The following YWHAE variants were observed in gnomAD, a reference collection of about 807,000 sequenced individuals.
YWHAE encodes 14-3-3 protein epsilon.
In YWHAE, 4 loss-of-function variants were observed where a neutral mutation model predicts 30.1. The ratio of observed to expected loss-of-function variants is 0.13; its 90% CI spans 0.07 to 0.30. The LOEUF is 0.30. Ranked by LOEUF, YWHAE falls within the 10% of genes least tolerant of loss-of-function variation. The pLI is 1.00. For synonymous variants in YWHAE, 118 were observed against 111.8 expected (o/e 1.06, Z -0.35); for missense variants, 121 against 315.9 (o/e 0.38, Z 4.68).
chr17:1,360,322 T>C lies in YWHAE; in HGVS notation c.578+770A>G, dbSNP rs529765269. ...TATAAATATTCCTTACATATTTATC[T>C]ACATTATCAAAAACTGGGAACAAGC... On this transcript the variant is annotated intron_variant, in intron 4 of 5. Coordinates refer to ENST00000264335, the MANE Select transcript of YWHAE (RefSeq NM_006761.5). 1.5e-3 allele frequency among the ~76,000 whole-genome samples: 226 copies of C among 152,310 alleles called. 1 individual carries two copies. The highest frequency in any genetic ancestry group is 5.1e-3 in the African/African-American group (210 of 41,572).
At chr17:1,385,527 G>A (rs1323328471) in intron 1 of YWHAE, among the ~76,000 whole-genome samples, 1 of 152,132 alleles carries the variant, frequency 6.6e-6, no homozygotes, top group Non-Finnish European at 1.5e-5. Context: ...CCAGGGACCA[G>A]TTTCGTGGAA....
chr17:1,377,062 C>T (rs1265554812), intron 1 of YWHAE, among the ~76,000 whole-genome samples: 1 of 151,876 alleles, frequency 6.6e-6, no homozygotes, highest in Non-Finnish European at 1.5e-5. Context: ...TACAGGTGCC[C>T]GCCAACGTGC....
intron 5 of YWHAE, among the ~76,000 whole-genome samples, chr17:1,350,996 T>C (rs916568697): frequency 9.4e-5 from 14 of 149,672 alleles, no homozygotes; most frequent in African/African-American, 3.5e-4. Flanking sequence ...GAGGCAGAGG[T>C]TGCAGTGAGC....
chr17:1,350,502 G>T (rs71357189), intron 5 of YWHAE, among the ~76,000 whole-genome samples: 1 of 151,986 alleles, frequency 6.6e-6, no homozygotes, highest in Admixed American at 6.6e-5. Context: ...GAGTGCAATG[G>T]AGTGATCTTG....
chr17:1,397,597 T>G (rs372014812), intron 1 of YWHAE, among the ~76,000 whole-genome samples: 14 of 152,282 alleles, frequency 9.2e-5, no homozygotes, highest in African/African-American at 3.1e-4. Context: ...AACCCAGCAT[T>G]TGGGTACAAG....
At chr17:1,367,638 C>G (rs751443574) in intron 1 of YWHAE, among the ~76,000 whole-genome samples, 2 of 151,804 alleles carry the variant, frequency 1.3e-5, no homozygotes, top group African/African-American at 2.4e-5. Context: ...GATGACAAAG[C>G]GAGAGACTCT....
chr17:1,351,736 C>G (rs192930235), intron 5 of YWHAE, among the ~76,000 whole-genome samples: 1 of 152,062 alleles, frequency 6.6e-6, no homozygotes, highest in Non-Finnish European at 1.5e-5. Context: ...CAACCTCAGC[C>G]GTCTGAGAAG....
chr17:1,394,093 CTGAGAG>C (rs1280847805), intron 1 of YWHAE, among the ~76,000 whole-genome samples: 1 of 152,124 alleles, frequency 6.6e-6, no homozygotes, highest in Non-Finnish European at 1.5e-5. Flanking sequence ...TTTTGAGTGG[CTGAGAG>C]TAAGTGTACC....
chr17:1,384,896 G>C (rs567022963), intron 1 of YWHAE, among the ~76,000 whole-genome samples: 1 of 151,926 alleles, frequency 6.6e-6, no homozygotes, highest in Non-Finnish European at 1.5e-5. Flanking sequence ...ATTTTTAGTA[G>C]AGACGGGTTT....
intron 4 of YWHAE, among the ~76,000 whole-genome samples, chr17:1,354,822 C>A (rs1425986678): frequency 6.6e-6 from 1 of 151,794 alleles, no homozygotes; most frequent in African/African-American, 2.4e-5. Flanking sequence ...GCCACCACAC[C>A]CGGCTAATTT....
At chr17:1,381,933 A>G (rs8069425) in intron 1 of YWHAE, among the ~76,000 whole-genome samples, 15,296 of 143,714 alleles carry the variant, frequency 0.11, 1,517 homozygotes, top group East Asian at 0.48. Flanking sequence ...AAAAAAAAAA[A>G]GACAGGCAGA....
intron 1 of YWHAE, among the ~76,000 whole-genome samples, chr17:1,388,988 C>G (rs556928102): frequency 6.6e-6 from 1 of 152,248 alleles, no homozygotes; most frequent in South Asian, 2.1e-4. Context: ...CTTTTTGAGA[C>G]AGGGTCTCAC....
At chr17:1,383,339 A>G (rs553122872) in intron 1 of YWHAE, among the ~76,000 whole-genome samples, 1 of 151,952 alleles carries the variant, frequency 6.6e-6, no homozygotes, top group Non-Finnish European at 1.5e-5. Context: ...AACAAGAGCG[A>G]AACTCCGTTT....
At chr17:1,399,736 A>T in intron 1 of YWHAE, 1 of 403,272 alleles carries the variant, frequency 2.5e-6, no homozygotes, top group African/African-American at 2.2e-5. Context: ...AGCACCCGCC[A>T]TCTCCTCCCC....
At chr17:1,351,610 T>G (rs186903530) in intron 5 of YWHAE, among the ~76,000 whole-genome samples, 2 of 152,086 alleles carry the variant, frequency 1.3e-5, no homozygotes, top group Non-Finnish European at 2.9e-5. Flanking sequence ...TTGACCATTC[T>G]TCTTCATAAT....
chr17:1,371,544 A>C (rs1440349739), intron 1 of YWHAE, among the ~76,000 whole-genome samples: 1 of 152,146 alleles, frequency 6.6e-6, no homozygotes, highest in East Asian at 1.9e-4. Context: ...AGGCAGAGTA[A>C]ATTTAGCATG....
intron 1 of YWHAE, among the ~76,000 whole-genome samples, chr17:1,365,502 T>C (rs1238977031): frequency 1.3e-5 from 2 of 152,188 alleles, no homozygotes; most frequent in Non-Finnish European, 2.9e-5. Flanking sequence ...AGCAAAAATA[T>C]ACGGAGTATA....
At chr17:1,357,324 AC>A (rs2072765751) in intron 4 of YWHAE, among the ~76,000 whole-genome samples, 1 of 146,370 alleles carries the variant, frequency 6.8e-6, no homozygotes. Context: ...AATGGCGTGA[AC>A]CCGGGAGGCA....
chr17:1,357,272 G>C (rs1171426888), intron 4 of YWHAE, among the ~76,000 whole-genome samples: 2 of 151,908 alleles, frequency 1.3e-5, no homozygotes, highest in Non-Finnish European at 2.9e-5. Context: ...GCGTGGTGGC[G>C]GGCGCCTGTA....
Sources: allele counts gnomAD v4.1 joint callset (sites outside exome capture counted in the v4.1 genomes callset), GRCh38; gene constraint gnomAD v4.1.1; transcripts MANE v1.5; gene names NCBI Gene and HGNC (gene_info 2026-07-23, HGNC 2026-07-21).